The following CABIN1 variants were observed in gnomAD, a reference collection of about 807,000 sequenced individuals.
CABIN1 encodes the protein calcineurin binding protein 1, also known as calcineurin-binding protein cabin-1.
Under a neutral mutation model 227.7 loss-of-function variants are expected in CABIN1, and 133 were observed. The observed-to-expected ratio is 0.58, with a 90% CI of 0.51 to 0.67. The LOEUF (loss-of-function observed/expected upper bound fraction) is 0.67. CABIN1 is among the 30% of genes least tolerant of loss of function. The pLI is 0.00. For missense variants in CABIN1, 2,408 were observed against 2,852.5 expected (o/e 0.84, Z 3.55); for synonymous variants, 1,086 against 1,155.1 (o/e 0.94, Z 1.21).
intron 1 of CABIN1, among the ~76,000 whole-genome samples, chr22:24,021,280 A>C (rs2035709176): frequency 6.6e-6 from 1 of 151,872 alleles, no homozygotes; most frequent in South Asian, 2.1e-4. Context: ...CCAGCCTCCC[A>C]AAGTGCTGGG....
chr22:24,012,443 A>G (rs2034893483), intron 1 of CABIN1, among the ~76,000 whole-genome samples: 2 of 152,154 alleles, frequency 1.3e-5, no homozygotes, highest in Non-Finnish European at 1.5e-5. Flanking sequence ...ATGAGGGGAA[A>G]CAGACTGAGA....
At chr22:24,128,609 G>A (rs1438138012) in intron 28 of CABIN1, among the ~76,000 whole-genome samples, 2 of 152,172 alleles carry the variant, frequency 1.3e-5, no homozygotes, top group Non-Finnish European at 2.9e-5. Context: ...CCTTCACACA[G>A]GGCAAGAGGT....
At chr22:24,071,128 A>G (rs1913862737) in intron 17 of CABIN1, 86 bp downstream of exon 17, 3 of 1,575,396 alleles carry the variant, frequency 1.9e-6, no homozygotes, top group East Asian at 2.3e-5. Flanking sequence ...CATAGCTTTC[A>G]TTGCTAATTA....
chr22:24,056,773 T>TTCCCTTGCATTC (rs1310992500), intron 10 of CABIN1, among the ~76,000 whole-genome samples: 2 of 152,184 alleles, frequency 1.3e-5, no homozygotes, highest in Non-Finnish European at 2.9e-5. Flanking sequence ...CTCAGCAGGA[T>TTCCCTTGCATTC]TCCCTTGCAT....
rs1395655145 is a variant in CABIN1 at position 24,087,655 on chromosome 22, T to A, written c.3467T>A (p.Phe1156Tyr). ...YGTMSYALHSFASRQLKQWRG... is the reference protein window; with the variant it reads ...YGTMSYALHSYASRQLKQWRG... ...ACCATGTCCTATGCCTTGCACTCAT[T>A]CGCCTCACGTCAATTGAAGCAGTGG... The change falls in exon 23 of 37, where the codon TTC becomes TAC. Residue 1156 changes from phenylalanine to tyrosine, a missense_variant. Phe to Tyr is a conservative substitution (Grantham distance 22). Around this residue, in one of 3 missense-constraint regions of CABIN1, gnomAD observed 649 missense variants for 910.3 expected, o/e 0.71. Transcript: ENST00000263119. The A allele has an allele frequency of 6.2e-7, 1 of 1,614,210 alleles. No homozygotes were observed. Among genetic ancestry groups the A allele is most frequent in the South Asian group, 1.1e-5 (1 of 91,080 alleles).
chr22:24,035,703 G>T (rs927806818), intron 2 of CABIN1, among the ~76,000 whole-genome samples, 183 bp downstream of exon 2: 1 of 152,028 alleles, frequency 6.6e-6, no homozygotes, highest in Non-Finnish European at 1.5e-5. Context: ...GAAGCGGCTT[G>T]CAGGACCTTG....
intron 1 of CABIN1, among the ~76,000 whole-genome samples, chr22:24,032,882 G>C (rs62234075): frequency 0.03 from 4,564 of 152,220 alleles, 186 homozygotes; most frequent in Admixed American, 0.12. Flanking sequence ...TTCGAGACCA[G>C]CCTGGCCAAC....
Position 24,054,931 on chromosome 22 carries a change from C to T in CABIN1, c.865C>T (p.Pro289Ser), listed in dbSNP as rs112261923. 6.8e-6 allele frequency: 11 copies of T among 1,614,072 alleles called. No homozygotes were observed. Among genetic ancestry groups the T allele is most frequent in the Non-Finnish European group, 9.3e-6 (11 of 1,180,024 alleles). ...GTACAATCATCTCACCACCTGTGAG[C>T]CCCCACGTCCCAGCCTTGGCAAAAG... ...AMYNHLTTCE[P>S]PRPSLGKRID... is the part of the protein sequence containing the mutation. Residue 289 changes from proline to serine, a missense_variant, in exon 9 of 37, where the codon CCC becomes TCC. Pro to Ser is a moderately conservative substitution (Grantham distance 74). Coordinates refer to ENST00000263119, the MANE Select transcript of CABIN1 (RefSeq NM_012295.4).
At chr22:24,135,949 C>T (rs2044369530) in intron 29 of CABIN1, among the ~76,000 whole-genome samples, 1 of 152,146 alleles carries the variant, frequency 6.6e-6, no homozygotes, top group African/African-American at 2.4e-5. Flanking sequence ...GCTTGAGATC[C>T]TGAAAGCCCT....
chr22:24,081,701 C>CT (rs199527870), intron 19 of CABIN1, among the ~76,000 whole-genome samples: 267 of 151,580 alleles, frequency 1.8e-3, no homozygotes, highest in Middle Eastern at 3.4e-3. Flanking sequence ...AGTATTCACT[C>CT]TTTTTTTTTC....
chr22:24,030,778 A>T (rs2036437828), intron 1 of CABIN1, among the ~76,000 whole-genome samples: 1 of 151,774 alleles, frequency 6.6e-6, no homozygotes, highest in South Asian at 2.1e-4. Context: ...GGGGCCAGAC[A>T]CCCCACTCTG....
At chr22:24,116,914 C>T (rs1476145944) in intron 27 of CABIN1, among the ~76,000 whole-genome samples, 1 of 152,260 alleles carries the variant, frequency 6.6e-6, no homozygotes, top group Non-Finnish European at 1.5e-5. Flanking sequence ...CTGCGGCAGG[C>T]ACCAGCCTAG....
intron 26 of CABIN1, among the ~76,000 whole-genome samples, chr22:24,107,286 T>C (rs2042569457): frequency 6.6e-6 from 1 of 152,322 alleles, no homozygotes; most frequent in South Asian, 2.1e-4. Context: ...GTACCTTGAT[T>C]ACCCCTTAAA....
chr22:24,091,463 C>T, intron 23 of CABIN1, 120 bp from the exon 24 acceptor site: 2 of 1,243,826 alleles, frequency 1.6e-6, no homozygotes, highest in Non-Finnish European at 2.3e-6. Flanking sequence ...ATTTCTGTGT[C>T]TTGGTTGTTA....
chr22:24,022,875 TTCAAG>T (rs1381934268), intron 1 of CABIN1, among the ~76,000 whole-genome samples: 3 of 152,254 alleles, frequency 2.0e-5, no homozygotes, highest in Non-Finnish European at 4.4e-5. Context: ...GAAGTATCTG[TTCAAG>T]TCTTTTGCCC....
At chr22:24,106,139 G>A (rs2042501608) in intron 26 of CABIN1, among the ~76,000 whole-genome samples, 1 of 152,250 alleles carries the variant, frequency 6.6e-6, no homozygotes, top group Admixed American at 6.5e-5. Flanking sequence ...TGTCTGGGAA[G>A]CGGGTGGAGT....
At chr22:24,164,375 C>A (rs1222304614) in intron 29 of CABIN1, 25 bp from the exon 30 acceptor site, 2 of 1,600,504 alleles carry the variant, frequency 1.2e-6, no homozygotes, top group Middle Eastern at 1.7e-4. Context: ...ACCCCCCTCA[C>A]ACACCTGTGC....
intron 25 of CABIN1, among the ~76,000 whole-genome samples, chr22:24,096,902 C>G (rs1016168117): frequency 3.3e-5 from 5 of 152,338 alleles, no homozygotes; most frequent in Non-Finnish European, 7.4e-5. Flanking sequence ...TGACTGGGCA[C>G]TGTGCGGGGT....
Position 24,048,942 on chromosome 22 carries a change from A to G in CABIN1, c.527-149A>G. 3 of 910,530 alleles carry G rather than the reference A, an allele frequency of 3.3e-6. No individual in the cohort carries two copies. In the South Asian group the frequency reaches 4.1e-5, roughly 12 times the overall value. 56.4% of individuals were successfully genotyped at this position (910,530 alleles called of 1,614,324 possible). On this transcript the variant is annotated intron_variant, in intron 6 of 36. Transcript: ENST00000263119. ...CAGTCTACTCTGGGTCTTATTACTA[A>G]CCTGACTGAATTAGTTAAAGTGGTA...
Sources: allele counts gnomAD v4.1 joint callset (sites outside exome capture counted in the v4.1 genomes callset), GRCh38; gene constraint gnomAD v4.1.1; regional missense constraint gnomAD v4.1.1; transcripts MANE v1.5; gene names NCBI Gene and HGNC (gene_info 2026-07-23, HGNC 2026-07-21).